Variants in UNC79 observed in about 807,000 individuals in gnomAD.
UNC79 encodes the protein unc-79 subunit of NALCN channel complex.
A neutral mutation model predicts 283.1 loss-of-function variants in UNC79; 37 were observed. The ratio of observed to expected loss-of-function variants is 0.13; its 90% CI spans 0.10 to 0.17. The LOEUF is 0.17. Ranked by LOEUF, UNC79 falls within the 10% of genes least tolerant of loss-of-function variation. The pLI is 1.00. For synonymous variants in UNC79, 1,107 were observed against 1,200.2 expected (o/e 0.92, Z 1.61); for missense variants, 2,272 against 3,211.1 (o/e 0.71, Z 7.07).
chr14:93,673,438 C>A, exon 41 of UNC79: 1 of 1,612,738 alleles, frequency 6.2e-7, no homozygotes, highest in South Asian at 1.1e-5. Context: ...AGATACAAAC[C>A]TTCTTCTGCT....
chr14:93,467,636 T>TTTTTTTTTTTTTTC, intron 1 of UNC79, 35 bp from the exon 2 acceptor site: 1 of 654,964 alleles, frequency 1.5e-6, no homozygotes, highest in Non-Finnish European at 1.8e-6. Flanking sequence ...TCCTTTTTTT[T>TTTTTTTTTTTTTTC]TTTTTTTTTT....
intron 4 of UNC79, among the ~76,000 whole-genome samples, chr14:93,481,323 A>G (rs572869636): frequency 6.6e-6 from 1 of 152,306 alleles, no homozygotes; most frequent in South Asian, 2.1e-4. Context: ...GCATGTCACC[A>G]TGGAAACCTC....
At position 93,690,702 on chromosome 14, in the gene UNC79, A is replaced by C. The variant is rs1311987468; in HGVS notation, c.7272+399A>C. ...TCTTCATGTACCATCTTTTCAACTG[A>C]AATCTCTAGAGATACAGGAAAATAC... is the stretch of plus-strand genomic sequence containing the variant. On this transcript the variant is annotated intron_variant, in intron 45 of 48. Coordinates refer to ENST00000555664, the Ensembl canonical transcript of UNC79. The surrounding 1 kb of genome is among the most constrained non-coding windows in gnomAD (Gnocchi z 4.3). The C allele has an allele frequency of 5.7e-6, 1 of 175,822 alleles. No individual in the cohort carries two copies. The highest frequency in any genetic ancestry group is 1.2e-5 in the Non-Finnish European group (1 of 83,460). 10.9% of individuals were successfully genotyped at this position (175,822 alleles called of 1,614,324 possible). A position where few individuals can be genotyped will look rare whatever the true frequency, so the allele number is the denominator to read the frequency against.
chr14:93,700,631 T>C (rs1016221393), intron 47 of UNC79, among the ~76,000 whole-genome samples: 1 of 152,238 alleles, frequency 6.6e-6, no homozygotes, highest in South Asian at 2.1e-4. Context: ...ATATAAAATA[T>C]TCTTAAGCTG....
At chr14:93,375,595 T>A (rs1374923506) in intron 1 of UNC79, among the ~76,000 whole-genome samples, 1 of 152,072 alleles carries the variant, frequency 6.6e-6, no homozygotes, top group African/African-American at 2.4e-5. Flanking sequence ...GGAAGCAAAG[T>A]GGCTTCTGCT....
intron 42 of UNC79, among the ~76,000 whole-genome samples, chr14:93,685,732 A>G (rs1224831531): frequency 6.6e-6 from 1 of 152,186 alleles, no homozygotes; most frequent in Non-Finnish European, 1.5e-5. Flanking sequence ...TTTGATCCAC[A>G]TGATACCCAG....
chr14:93,628,269 C>T (rs2067723887), intron 30 of UNC79, among the ~76,000 whole-genome samples: 2 of 152,216 alleles, frequency 1.3e-5, no homozygotes, highest in Non-Finnish European at 2.9e-5. Flanking sequence ...TGCTACCTAG[C>T]CACAGTGACC....
At chr14:93,360,271 A>G (rs2054192886) in intron 1 of UNC79, among the ~76,000 whole-genome samples, 1 of 152,230 alleles carries the variant, frequency 6.6e-6, no homozygotes, top group African/African-American at 2.4e-5. Context: ...CTAGGAAAAT[A>G]GTAAATAAAA....
chr14:93,346,611 G>A (rs556703027), intron 1 of UNC79, among the ~76,000 whole-genome samples: 24 of 152,312 alleles, frequency 1.6e-4, no homozygotes, highest in Admixed American at 9.8e-4. Context: ...ACTTGTTCTT[G>A]GTTTTCAGTG....
intron 31 of UNC79, 85 bp from the exon 35 acceptor site, chr14:93,637,131 C>T (rs2068574084): frequency 1.2e-6 from 1 of 804,296 alleles, no homozygotes; most frequent in African/African-American, 1.7e-5. Flanking sequence ...AAATTGGCCC[C>T]CAGAGATGAT....
chr14:93,390,778 C>T (rs2054867429), intron 1 of UNC79, among the ~76,000 whole-genome samples: 1 of 152,084 alleles, frequency 6.6e-6, no homozygotes. Flanking sequence ...CTATGGAGAA[C>T]ATTCTTGAAG....
chr14:93,697,292 T>C (rs924136286), intron 47 of UNC79, among the ~76,000 whole-genome samples: 3 of 152,028 alleles, frequency 2.0e-5, no homozygotes, highest in Admixed American at 2.0e-4. Context: ...CCTGCCACCA[T>C]GCCCAGCTAA....
intron 38 of UNC79, among the ~76,000 whole-genome samples, chr14:93,655,759 C>A (rs559704807): frequency 2.0e-5 from 3 of 152,058 alleles, no homozygotes; most frequent in African/African-American, 7.2e-5. Flanking sequence ...TGTCCAAAAG[C>A]AGCTCAGACA....
At chr14:93,342,266 A>G (rs143572877) in intron 1 of UNC79, among the ~76,000 whole-genome samples, 2,125 of 152,360 alleles carry the variant, frequency 0.014, 23 homozygotes, top group Middle Eastern at 0.034. Flanking sequence ...GTGCACCCAC[A>G]GGACCAATAC....
At chr14:93,402,052 C>T (rs935297563) in intron 1 of UNC79, among the ~76,000 whole-genome samples, 2 of 151,814 alleles carry the variant, frequency 1.3e-5, no homozygotes, top group African/African-American at 2.4e-5. Flanking sequence ...CCAACGTGGG[C>T]GGATCACCAG....
intron 1 of UNC79, among the ~76,000 whole-genome samples, chr14:93,367,344 A>G (rs2054357066): frequency 6.6e-6 from 1 of 152,232 alleles, no homozygotes; most frequent in Non-Finnish European, 1.5e-5. Flanking sequence ...GAACCCTCAG[A>G]TGGTAGAACA....
intron 1 of UNC79, among the ~76,000 whole-genome samples, chr14:93,463,769 G>A (rs1030334745): frequency 6.6e-6 from 1 of 152,150 alleles, no homozygotes; most frequent in African/African-American, 2.4e-5. Flanking sequence ...TTACAGATGA[G>A]GAAATTGGGC....
intron 1 of UNC79, among the ~76,000 whole-genome samples, chr14:93,338,724 T>C (rs537055011): frequency 1.3e-5 from 2 of 152,126 alleles, no homozygotes; most frequent in Admixed American, 6.5e-5. Flanking sequence ...CTGGGCAACA[T>C]GGCAAAACTC....
chr14:93,345,924 A>G (rs558352226), intron 1 of UNC79, among the ~76,000 whole-genome samples: 1 of 151,430 alleles, frequency 6.6e-6, no homozygotes, highest in Non-Finnish European at 1.5e-5. Context: ...AGGAAAAAAG[A>G]GGGTACTCAA....
Sources: gnomAD v4.1 joint callset for allele counts (sites outside exome capture counted in the v4.1 genomes callset) on GRCh38, gnomAD v4.1.1 for gene constraint, Gnocchi (gnomAD v3.1) non-coding constraint, MANE v1.5 for transcripts, NCBI Gene and HGNC (gene_info 2026-07-23, HGNC 2026-07-21) for gene names.